C14orf39: variants seen among roughly 807,000 people sequenced by gnomAD.
The protein encoded by C14orf39 is protein SIX6OS1.
Under a neutral mutation model 85.6 loss-of-function variants are expected in C14orf39, and 66 were observed. The ratio of observed to expected loss-of-function variants is 0.77; its 90% confidence interval spans 0.63 to 0.95. The LOEUF (loss-of-function observed/expected upper bound fraction) is 0.95, where lower values mean the gene tolerates loss of function less well. C14orf39 is among the 40% of genes least tolerant of loss of function. The pLI is 0.00. For missense variants in C14orf39, 735 were observed against 663.9 expected, an observed-to-expected ratio of 1.11 and a Z score of -1.18; for synonymous variants, 242 against 214.0, an observed-to-expected ratio of 1.13 and a Z score of -1.14.
At chr14:60,489,574 T>A (rs181991929), upstream of C14orf39, among the ~76,000 whole-genome samples, 1 of 152,220 alleles carries the variant, frequency 6.6e-6, no homozygotes, top group African/African-American at 2.4e-5. Flanking sequence ...CCTCCTTCTG[T>A]TCTGTTACAA....
intron 1 of C14orf39, among the ~76,000 whole-genome samples, chr14:60,503,658 T>C (rs1042428230): frequency 8.5e-5 from 13 of 152,210 alleles, no homozygotes; most frequent in African/African-American, 3.1e-4. Flanking sequence ...TCCCACTAAT[T>C]ATTCAAAGAA....
At chr14:60,482,468 T>C (rs1310494271) in intron 4 of C14orf39, among the ~76,000 whole-genome samples, 3 of 152,238 alleles carry the variant, frequency 2.0e-5, no homozygotes, top group South Asian at 2.1e-4. Context: ...GTCTTTATAA[T>C]AAGTCAATCA....
intron 16 of C14orf39, among the ~76,000 whole-genome samples, chr14:60,453,163 C>A (rs894794859): frequency 6.6e-6 from 1 of 152,064 alleles, no homozygotes; most frequent in African/African-American, 2.4e-5. Context: ...AGTATTAAAA[C>A]CTCCAATATG....
At chr14:60,487,916 T>C (rs577123238), upstream of C14orf39, among the ~76,000 whole-genome samples, 8 of 152,356 alleles carry the variant, frequency 5.3e-5, no homozygotes, top group Middle Eastern at 3.4e-3. Flanking sequence ...GCACATCTTC[T>C]TTTGAGCAAT....
intron 1 of C14orf39, among the ~76,000 whole-genome samples, chr14:60,501,111 AG>A (rs991104780): frequency 6.6e-6 from 1 of 151,932 alleles, no homozygotes; most frequent in African/African-American, 2.4e-5. Context: ...AGACCACCCT[AG>A]GCAATATAGA....
intron 10 of C14orf39, among the ~76,000 whole-genome samples, chr14:60,466,651 C>T (rs1470779274): frequency 1.3e-5 from 2 of 151,798 alleles, no homozygotes; most frequent in Non-Finnish European, 2.9e-5. Context: ...AATTTTTCCT[C>T]CTCCTCTAAC....
chr14:60,470,172 A>G (rs573781032), intron 7 of C14orf39, among the ~76,000 whole-genome samples: 1 of 151,930 alleles, frequency 6.6e-6, no homozygotes, highest in East Asian at 1.9e-4. Flanking sequence ...AACTCAAAAG[A>G]CAGGCAGATC....
chr14:60,484,859 T>C lies in C14orf39; in HGVS notation c.106+22A>G. 4.6e-6 allele frequency: 7 copies of C among 1,510,498 alleles called. No homozygotes were observed. The highest frequency in any genetic ancestry group is 6.4e-6 in the Non-Finnish European group (7 of 1,102,310). The allele number at this position is 1,510,498 out of a possible 1,614,324, so 93.6% of individuals were successfully genotyped here. A position where few individuals can be genotyped will look rare whatever the true frequency, so the allele number is the denominator to read the frequency against. The stretch of plus-strand genomic sequence containing the variant: ...TAAGGAATTAAAAGACTAAAATATC[T>C]TGATCATGCAAAGCTACTTACTATT... On this transcript the variant is annotated intron_variant, in intron 3 of 17. Coordinates refer to ENST00000321731, the MANE Select transcript of C14orf39 (RefSeq NM_174978.3). This position sits in a 1 kb window ranked among gnomAD's most constrained non-coding sequence, Gnocchi z 4.2.
chr14:60,500,624 A>G (rs574526685), intron 1 of C14orf39, among the ~76,000 whole-genome samples: 43 of 152,342 alleles, frequency 2.8e-4, no homozygotes, highest in African/African-American at 8.7e-4. Flanking sequence ...TGGTCAAGAA[A>G]AATGTTCACG....
intron 16 of C14orf39, among the ~76,000 whole-genome samples, chr14:60,442,397 T>A (rs1334376987): frequency 2.0e-5 from 3 of 152,224 alleles, no homozygotes; most frequent in Non-Finnish European, 2.9e-5. Flanking sequence ...AATATGATAT[T>A]TTGCTTTATT....
At chr14:60,458,802 T>A (rs1050399336) in intron 13 of C14orf39, 63 bp from the exon 14 acceptor site, 1 of 1,379,758 alleles carries the variant, frequency 7.2e-7, no homozygotes, top group African/African-American at 1.5e-5. Flanking sequence ...TAAAACATAG[T>A]CTCGCCATTT....
intron 1 of C14orf39, among the ~76,000 whole-genome samples, chr14:60,503,862 T>A (rs546787273): frequency 2.0e-5 from 3 of 152,236 alleles, no homozygotes. Context: ...GAGTCCTTTG[T>A]AAATGCTTCA....
rs1401966143 is a variant in C14orf39, at chr14:60,478,356, A to C, written c.267T>G (p.His89Gln). 5 of 1,581,132 alleles carry C rather than the reference A, an allele frequency of 3.2e-6. No homozygotes were observed. The African/African-American group carries it at 6.8e-5, about 22-fold the overall frequency. Residue 89 changes from histidine (H) to glutamine (Q), a missense_variant, in exon 5 of 18, where the codon CAT (histidine) becomes CAG (glutamine). Physicochemically the swap from His to Gln is conservative, Grantham distance 24. Transcript: ENST00000321731. ...WKPTCDVFRKHEDYMQDQFTV... is the reference protein window; with the variant it reads ...WKPTCDVFRKQEDYMQDQFTV... Reference sequence around the variant, plus strand: ...TAAATTGGTCCTGCATATAATCTTCATGTTTACGAAAAACATCACATGTTG... The same window carrying C: ...TAAATTGGTCCTGCATATAATCTTCCTGTTTACGAAAAACATCACATGTTG...
chr14:60,444,642 G>A (rs1890676953), intron 16 of C14orf39, among the ~76,000 whole-genome samples: 1 of 152,182 alleles, frequency 6.6e-6, no homozygotes, highest in African/African-American at 2.4e-5. Context: ...TATTATCCAG[G>A]AGAACTTCCC....
intron 5 of C14orf39, among the ~76,000 whole-genome samples, chr14:60,474,217 A>T (rs566914566): frequency 6.6e-6 from 1 of 152,258 alleles, no homozygotes; most frequent in East Asian, 1.9e-4. Flanking sequence ...TTATTGGTGT[A>T]TAAGAATGCT....
chr14:60,496,089 G>T, intron 2 of C14orf39: 2 of 751,332 alleles, frequency 2.7e-6, no homozygotes, highest in Non-Finnish European at 4.3e-6. Flanking sequence ...TTGGCTTCCA[G>T]TGTTCTGACT....
chr14:60,467,837 A>T (rs571115001), intron 9 of C14orf39, among the ~76,000 whole-genome samples: 6 of 151,812 alleles, frequency 4.0e-5, no homozygotes, highest in Non-Finnish European at 8.8e-5. Flanking sequence ...TTTCAGAAGA[A>T]TGAAAAAGGA....
upstream of C14orf39, among the ~76,000 whole-genome samples, chr14:60,490,498 C>T (rs2224409): frequency 0.86 from 130,379 of 151,376 alleles, 56,819 homozygotes; most frequent in Non-Finnish European, 0.92. Flanking sequence ...TAGGTGCACA[C>T]CTGTAGTCCT....
chr14:60,475,737 G>A lies in C14orf39; in HGVS notation c.323+2563C>T, dbSNP rs866855215. 9.9e-5 allele frequency among the ~76,000 whole-genome samples: 15 copies of A among 152,106 alleles called. No homozygotes were observed. In the East Asian group the frequency reaches 1.9e-3, roughly 20 times the overall value. On this transcript the variant is annotated intron_variant, in intron 5 of 17. Transcript: ENST00000321731. ...CCAAAAAAGCTTGCCAACTCTAATC[G>A]AAAACATTGAAAATGTTAAATCCAG... is the stretch of plus-strand genomic sequence containing the variant.
Sources: allele counts gnomAD v4.1 joint callset (sites outside exome capture counted in the v4.1 genomes callset), GRCh38; gene constraint gnomAD v4.1.1; non-coding constraint Gnocchi (gnomAD v3.1); transcripts MANE v1.5; gene names NCBI Gene and HGNC (gene_info 2026-07-23, HGNC 2026-07-21).